RNF32: variants seen among roughly 807,000 people sequenced by gnomAD.
RNF32 encodes ring finger protein 32.
In RNF32, 36 loss-of-function variants were observed where a neutral mutation model predicts 41.0. The observed-to-expected ratio is 0.88, with a 90% CI of 0.67 to 1.16. The LOEUF (loss-of-function observed/expected upper bound fraction) is 1.16. Among genes scored for constraint, RNF32 ranks in the 50% most tolerant of loss-of-function variants. RNF32 has a pLI of 0.00. For missense variants in RNF32, 413 were observed against 436.7 expected (o/e 0.95, Z 0.48); for synonymous variants, 154 against 160.9 (o/e 0.96, Z 0.32).
intron 7 of RNF32, among the ~76,000 whole-genome samples, chr7:156,668,476 G>A (rs1195397686): frequency 2.0e-5 from 3 of 152,180 alleles, no homozygotes; most frequent in Admixed American, 2.0e-4. Context: ...AGGGGAGGCG[G>A]GTGGAGCCGG....
At chr7:156,641,932 A>G (rs1318355094) in intron 1 of RNF32, among the ~76,000 whole-genome samples, 1 of 152,174 alleles carries the variant, frequency 6.6e-6, no homozygotes. Flanking sequence ...ACCATCATCA[A>G]AGCCTCCAGG....
intron 7 of RNF32, among the ~76,000 whole-genome samples, chr7:156,671,403 T>A (rs2131654913): frequency 6.6e-6 from 1 of 152,336 alleles, no homozygotes; most frequent in East Asian, 1.9e-4. Flanking sequence ...AAGGCTGATG[T>A]GCTGATACCT....
rs150861373 is a variant in RNF32 at position 156,640,814 on chromosome 7, A to C, written c.-78+3A>C. On this transcript the variant is annotated splice_donor_region_variant and intron_variant, in intron 1 of 8. Coordinates refer to ENST00000317955, the MANE Select transcript of RNF32 (RefSeq NM_030936.4). ...CCGGTGTTCGCGGAGGAGTCGAGGC[A>C]CGGAGAGGCTTCGGGGGAGGGACGG... The C allele has an allele frequency of 3.3e-3, 727 of 222,770 alleles. 32 individuals are homozygous for C. The Admixed American group carries it at 0.042, about 13-fold the overall frequency. The allele number at this position is 222,770 out of a possible 1,614,324, so 13.8% of individuals were successfully genotyped here.
intron 8 of RNF32, 109 bp downstream of exon 8, chr7:156,675,972 G>A (rs960720869): frequency 1.7e-6 from 2 of 1,167,688 alleles, no homozygotes; most frequent in Admixed American, 2.0e-5. Flanking sequence ...GAGCCTAGGA[G>A]TGTCAGGCCC....
In RNF32 at chr7:156,676,946, G is replaced by C; in HGVS notation, c.*291G>C. 3.0e-6 allele frequency: 1 copy of C among 333,818 alleles called. No homozygotes were observed. Among genetic ancestry groups the C allele is most frequent in the Admixed American group, 4.3e-5 (1 of 23,198 alleles). The allele number at this position is 333,818 out of a possible 1,614,324, so 20.7% of individuals were successfully genotyped here. On this transcript the variant is annotated 3_prime_UTR_variant, in exon 9 of 9. Coordinates refer to ENST00000317955, the MANE Select transcript of RNF32 (RefSeq NM_030936.4). ...AAAAATTGAGGTTAAGATATAGCTAGTGTCTGAACGACACTCCTTAAAGTA... is the reference window on the plus strand; with the variant it reads ...AAAAATTGAGGTTAAGATATAGCTACTGTCTGAACGACACTCCTTAAAGTA...
chr7:156,668,889 G>A (rs1434312803), intron 7 of RNF32: 4 of 152,180 alleles, frequency 2.6e-5, no homozygotes, highest in African/African-American at 9.7e-5. Context: ...ATTTACTTTA[G>A]ATTGATTAAA....
At chr7:156,667,847 T>C (rs1037186968) in intron 7 of RNF32, among the ~76,000 whole-genome samples, 4 of 152,222 alleles carry the variant, frequency 2.6e-5, no homozygotes, top group Admixed American at 2.6e-4. Flanking sequence ...TTGTCATAAA[T>C]GTCTATGGAA....
intron 3 of RNF32, among the ~76,000 whole-genome samples, chr7:156,650,681 T>C (rs1422812291): frequency 3.3e-5 from 5 of 152,214 alleles, no homozygotes; most frequent in African/African-American, 9.6e-5. Context: ...AGAGTCTGGA[T>C]TGTACAGCAA....
chr7:156,657,249 A>AG (rs1361510610), intron 4 of RNF32, among the ~76,000 whole-genome samples: 1 of 152,134 alleles, frequency 6.6e-6, no homozygotes, highest in African/African-American at 2.4e-5. Context: ...CCCGCATCTA[A>AG]GGGAAACTTT....
chr7:156,644,819 A>G (rs1330588172), intron 3 of RNF32, 62 bp downstream of exon 3: 2 of 1,491,252 alleles, frequency 1.3e-6, no homozygotes, highest in Non-Finnish European at 1.8e-6. Context: ...ATTGAGATTA[A>G]TAGTATAATT....
At chr7:156,671,416 CG>C in intron 7 of RNF32, among the ~76,000 whole-genome samples, 1 of 152,082 alleles carries the variant, frequency 6.6e-6, no homozygotes, top group Non-Finnish European at 1.5e-5. Flanking sequence ...TGATACCTGA[CG>C]AAAGAGATTC....
At position 156,675,681 on chromosome 7, in the gene RNF32, CCG is replaced by C. The variant is rs201702641; in HGVS notation, c.685-13_685-12del. The stretch of plus-strand genomic sequence containing the variant: ...AGCTCAGGTGTGAGCTTACCCGCCC[CCG>C]CCTCCTCCTCAGTTCACAGAAATCA... On this transcript the variant is annotated splice_polypyrimidine_tract_variant and intron_variant, in intron 7 of 8. Coordinates refer to ENST00000317955, the MANE Select transcript of RNF32 (RefSeq NM_030936.4). 2 of 1,600,754 alleles carry C rather than the reference CCG, an allele frequency of 1.2e-6. No individual in the cohort carries two copies. The highest frequency in any genetic ancestry group is 1.3e-5 in the African/African-American group (1 of 74,790).
chr7:156,665,733 C>CA (rs1222556237), intron 7 of RNF32, among the ~76,000 whole-genome samples: 1 of 152,214 alleles, frequency 6.6e-6, no homozygotes, highest in Non-Finnish European at 1.5e-5. Flanking sequence ...TTCTGCACTC[C>CA]AGTGCTTTTC....
At chr7:156,648,801 A>G (rs1798314542) in intron 3 of RNF32, among the ~76,000 whole-genome samples, 1 of 152,110 alleles carries the variant, frequency 6.6e-6, no homozygotes. Context: ...CTTTTAAATT[A>G]TATCTATTGT....
At chr7:156,658,655 AACTTTGAG>A (rs1800120287) in intron 7 of RNF32, 85 bp downstream of exon 7, 2 of 903,396 alleles carry the variant, frequency 2.2e-6, no homozygotes, top group African/African-American at 3.3e-5. Flanking sequence ...GAGGTGGTAA[AACTTTGAG>A]ACTTACTTCA....
At position 156,654,704 on chromosome 7, in the gene RNF32, G is replaced by A. The variant is rs1452320205; in HGVS notation, c.403G>A (p.Glu135Lys). ...ATGCCCCATCTGTAAAGAAGAATTCGAGCTTCGTCCTCAGGTGTTTAGCAT... is the reference window on the plus strand; with the variant it reads ...ATGCCCCATCTGTAAAGAAGAATTCAAGCTTCGTCCTCAGGTGTTTAGCAT... ...QPCPICKEEFELRPQVLLSCS... is the reference protein window; with the variant it reads ...QPCPICKEEFKLRPQVLLSCS... Residue 135 changes from glutamate to lysine, a missense_variant, in exon 4 of 9, where the codon GAG (glutamate) becomes AAG (lysine). Transcript: ENST00000317955. 1.9e-6 allele frequency: 3 copies of A among 1,613,906 alleles called. No homozygotes were observed. The highest frequency in any genetic ancestry group is 2.5e-6 in the Non-Finnish European group (3 of 1,179,908).
intron 7 of RNF32, among the ~76,000 whole-genome samples, chr7:156,672,526 G>A (rs969351128): frequency 2.6e-5 from 4 of 152,208 alleles, no homozygotes; most frequent in Non-Finnish European, 5.9e-5. Flanking sequence ...TCCATCTAAA[G>A]TGTTTGAAGG....
chr7:156,644,794 G>A (rs551519864), intron 3 of RNF32, 37 bp downstream of exon 3: 3 of 1,573,660 alleles, frequency 1.9e-6, no homozygotes, highest in East Asian at 4.5e-5. Flanking sequence ...TGGCTTATTA[G>A]GGCTAAAAAA....
intron 1 of RNF32, 108 bp from the exon 2 acceptor site, chr7:156,643,693 C>T: frequency 1.6e-6 from 1 of 626,310 alleles, no homozygotes; most frequent in Non-Finnish European, 2.9e-6. Context: ...CTGTAGCAGG[C>T]ATTCCTGCTG....
Sources: allele counts gnomAD v4.1 joint callset (sites outside exome capture counted in the v4.1 genomes callset), GRCh38; gene constraint gnomAD v4.1.1; transcripts MANE v1.5; gene names NCBI Gene and HGNC (gene_info 2026-07-23, HGNC 2026-07-21).